The following ZNF428 variants were observed in gnomAD, a reference collection of about 807,000 sequenced individuals.
ZNF428 encodes enzyme-like protein PIT13.
In ZNF428, 5 loss-of-function variants were observed where a neutral mutation model predicts 15.6. The ratio of observed to expected loss-of-function variants is 0.32; its 90% confidence interval spans 0.17 to 0.67. The LOEUF (loss-of-function observed/expected upper bound fraction) is 0.67, where lower values mean the gene tolerates loss of function less well. ZNF428 is among the 30% of genes least tolerant of loss of function. ZNF428 has a pLI of 0.73. For synonymous variants in ZNF428, 97 were observed against 102.2 expected (o/e 0.95, Z 0.31); for missense variants, 237 against 256.0 (o/e 0.93, Z 0.51).
At chr19:43,611,346 G>A (rs1333431617) in intron 2 of ZNF428, among the ~76,000 whole-genome samples, 1 of 151,010 alleles carries the variant, frequency 6.6e-6, no homozygotes, top group East Asian at 1.9e-4. Flanking sequence ...TTTCGAGAGA[G>A]AGTCTCGCTG....
At chr19:43,613,257 G>A in intron 2 of ZNF428, 1 of 1,551,554 alleles carries the variant, frequency 6.4e-7, no homozygotes, top group Non-Finnish European at 8.7e-7. Flanking sequence ...GATCACAGGG[G>A]ATCTAGCAGC....
At position 43,612,338 on chromosome 19, in the gene ZNF428, GC is replaced by G. The variant is rs1568534515; in HGVS notation, c.76+1890del. On this transcript the variant is annotated intron_variant, in intron 2 of 2. Coordinates refer to ENST00000300811, the MANE Select transcript of ZNF428 (RefSeq NM_182498.4). The surrounding 1 kb of genome is among the most constrained non-coding windows in gnomAD (Gnocchi z 4.2). The stretch of plus-strand genomic sequence containing the variant: ...CACCAAATCGACCAGTACAAAAAGA[GC>G]CCCTTCTAACCGGCCCAGCAGCAGG... The G allele has an allele frequency of 6.4e-7, 1 of 1,551,646 alleles. No individual in the cohort carries two copies. Among genetic ancestry groups the G allele is most frequent in the Admixed American group, 2.0e-5 (1 of 50,984 alleles).
chr19:43,611,325 A>ATT (rs768244487), intron 2 of ZNF428, among the ~76,000 whole-genome samples: 61 of 140,382 alleles, frequency 4.3e-4, no homozygotes, highest in Middle Eastern at 3.7e-3. Flanking sequence ...TGACCCGTTC[A>ATT]TTTTTTTTTT....
Position 43,612,605 on chromosome 19 carries a change from A to G in ZNF428, c.76+1624T>C. ...CATGGCCAGCAGGGTGAGAACTCCC[A>G]CTTCACAGCAAAAAGGGAGCCGGGG... is the stretch of plus-strand genomic sequence containing the variant. On this transcript the variant is annotated intron_variant, in intron 2 of 2. Transcript: ENST00000300811. This position sits in a 1 kb window ranked among gnomAD's most constrained non-coding sequence, Gnocchi z 4.2. The G allele has an allele frequency of 6.4e-7, 1 of 1,551,600 alleles. No individual in the cohort carries two copies. The highest frequency in any genetic ancestry group is 2.0e-5 in the Admixed American group (1 of 51,004).
intron 1 of ZNF428, 80 bp from the exon 2 acceptor site, chr19:43,614,514 T>G: frequency 7.5e-7 from 1 of 1,337,552 alleles, no homozygotes; most frequent in Non-Finnish European, 9.8e-7. Context: ...CCCAACTGTG[T>G]GCTCACTGCT....
rs753578927 is a variant in ZNF428, at chr19:43,607,838, G to C, written c.346C>G (p.Pro116Ala). 5.8e-6 allele frequency: 9 copies of C among 1,560,212 alleles called. No individual in the cohort carries two copies. In the African/African-American group the frequency reaches 1.1e-4, roughly 19 times the overall value. The change falls in exon 3 of 3, where the codon CCT becomes GCT. Residue 116 changes from proline to alanine, a missense_variant. Coordinates refer to ENST00000300811, the MANE Select transcript of ZNF428 (RefSeq NM_182498.4). This position sits in a 1 kb window ranked among gnomAD's most constrained non-coding sequence, Gnocchi z 5.1. ...PGTPPCRLCC[P>A]ATAPQEAPAP... is the part of the protein sequence containing the mutation. ...GGTGCTTCCTGGGGGGCTGTAGCAG[G>C]GCAGCAGAGCCGGCAGGGTGGGGTT...
rs184306433 is a variant in ZNF428 at position 43,614,363 on chromosome 19, G to A, written c.-59C>T. The A allele has an allele frequency of 1.5e-5, 23 of 1,536,700 alleles. No individual in the cohort carries two copies. The highest frequency in any genetic ancestry group is 6.9e-5 in the African/African-American group (5 of 72,624). On this transcript the variant is annotated 5_prime_UTR_variant, in exon 2 of 3. Coordinates refer to ENST00000300811, the MANE Select transcript of ZNF428 (RefSeq NM_182498.4). Reference sequence around the variant, plus strand: ...CAGCAGCTGAGCAGCGTCCCTCCCCGGCCAGCTCTCCACAGCCACACCTCC... The same window carrying A: ...CAGCAGCTGAGCAGCGTCCCTCCCCAGCCAGCTCTCCACAGCCACACCTCC...
At chr19:43,608,221 C>G (rs1379502944) in intron 2 of ZNF428, 114 bp from the exon 3 acceptor site, 1 of 1,389,010 alleles carries the variant, frequency 7.2e-7, no homozygotes, top group East Asian at 2.3e-5. Flanking sequence ...CAAGGATAGC[C>G]TAGACACTAC....
At position 43,612,763 on chromosome 19, in the gene ZNF428, C is replaced by T; in HGVS notation, c.76+1466G>A. On this transcript the variant is annotated intron_variant, in intron 2 of 2. Transcript: ENST00000300811. This position sits in a 1 kb window ranked among gnomAD's most constrained non-coding sequence, Gnocchi z 4.2. ...GGAGTTCCGAGCTGGCTGTAACTCC[C>T]AGTACAGCCAAGTGTCAAACCCCGA... 1 of 1,551,642 alleles carries T rather than the reference C, an allele frequency of 6.4e-7. No individual in the cohort carries two copies.
intron 2 of ZNF428, chr19:43,613,437 G>C: frequency 1.3e-6 from 2 of 1,544,048 alleles, no homozygotes; most frequent in Non-Finnish European, 1.7e-6. Flanking sequence ...GATTGCAGCC[G>C]ATCTAGAAGT....
chr19:43,607,374 C>CACACAT lies in ZNF428; in HGVS notation c.*242_*243insATGTGT. On this transcript the variant is annotated 3_prime_UTR_variant, in exon 3 of 3. Transcript: ENST00000300811. This position sits in a 1 kb window ranked among gnomAD's most constrained non-coding sequence, Gnocchi z 5.1. The stretch of plus-strand genomic sequence containing the variant: ...CCCAAGAAGGAGCCCAGGGGGAATA[C>CACACAT]ACACACACACACACACACACAAACA... 1 of 157,314 alleles carries CACACAT rather than the reference C, an allele frequency of 6.4e-6. No homozygotes were observed. Among genetic ancestry groups the CACACAT allele is most frequent in the South Asian group, 1.9e-4 (1 of 5,310 alleles). 9.7% of individuals were successfully genotyped at this position (157,314 alleles called of 1,614,324 possible).
intron 2 of ZNF428, chr19:43,613,121 A>G (rs767980446): frequency 1.3e-6 from 2 of 1,551,724 alleles, no homozygotes; most frequent in South Asian, 2.4e-5. Flanking sequence ...CCAGTCTAGA[A>G]GCCACAGCAA....
In ZNF428 at chr19:43,612,468, G is replaced by A. The variant is rs1429463813; in HGVS notation, c.76+1761C>T. Reference sequence around the variant, plus strand: ...GACGTGAGATGCCACCAGCGGAGGGGCACACACAGCCGGGGTAGGACACCT... The same window carrying A: ...GACGTGAGATGCCACCAGCGGAGGGACACACACAGCCGGGGTAGGACACCT... On this transcript the variant is annotated intron_variant, in intron 2 of 2. Transcript: ENST00000300811. The surrounding 1 kb of genome is among the most constrained non-coding windows in gnomAD (Gnocchi z 4.2). 2 of 1,545,774 alleles carry A rather than the reference G, an allele frequency of 1.3e-6. No homozygotes were observed. Among genetic ancestry groups the A allele is most frequent in the East Asian group, 4.9e-5 (2 of 40,924 alleles).
At chr19:43,609,683 G>A (rs1191934642) in intron 2 of ZNF428, among the ~76,000 whole-genome samples, 1 of 151,048 alleles carries the variant, frequency 6.6e-6, no homozygotes, top group Non-Finnish European at 1.5e-5. Context: ...CGGAGGTTGC[G>A]ATGAGCCAAT....
chr19:43,618,025 CTTTTTTTTTTTTT>C (rs35170127), intron 1 of ZNF428, among the ~76,000 whole-genome samples: 5 of 55,328 alleles, frequency 9.0e-5, no homozygotes, highest in African/African-American at 2.8e-4. Context: ...CCATGCCCGG[CTTTTTTTTTTTTT>C]TTTTTTTTTT....
At position 43,607,733 on chromosome 19, in the gene ZNF428, C is replaced by T. The variant is rs1568533182; in HGVS notation, c.451G>A (p.Glu151Lys). 1 of 1,613,548 alleles carries T rather than the reference C, an allele frequency of 6.2e-7. No individual in the cohort carries two copies. ...AGEGRPAGRE[E>K]EEEEEEEGTY... is the part of the protein sequence containing the mutation. ...CCCTCCTCCTCCTCTTCCTCCTCCT[C>T]CTCCCGCCCAGCTGGTCGGCCCTCC... The change falls in exon 3 of 3, where the codon GAG becomes AAG. Residue 151 changes from glutamate to lysine, a missense_variant. Physicochemically the swap from Glu to Lys is moderately conservative, Grantham distance 56. Transcript: ENST00000300811. This position sits in a 1 kb window ranked among gnomAD's most constrained non-coding sequence, Gnocchi z 5.1.
At chr19:43,610,211 T>A (rs906880848) in intron 2 of ZNF428, among the ~76,000 whole-genome samples, 1 of 151,934 alleles carries the variant, frequency 6.6e-6, no homozygotes, top group South Asian at 2.1e-4. Flanking sequence ...TTTCTCCATC[T>A]TCTTTTGAGA....
At chr19:43,617,580 G>A (rs1484320051) in intron 1 of ZNF428, among the ~76,000 whole-genome samples, 3 of 152,194 alleles carry the variant, frequency 2.0e-5, no homozygotes, top group Non-Finnish European at 2.9e-5. Flanking sequence ...ATTGGCAGAG[G>A]AGAATTCTAA....
intron 2 of ZNF428, among the ~76,000 whole-genome samples, chr19:43,609,360 G>GAGAGAGAGAGAGAGAGAGAGAA (rs1555775017): frequency 9.7e-5 from 12 of 123,346 alleles, no homozygotes; most frequent in South Asian, 2.3e-4. Context: ...TGTGGCCATG[G>GAGAGAGAGAGAGAGAGAGAGAA]AGAGAGAGAG....
Sources: gnomAD v4.1 joint callset for allele counts (sites outside exome capture counted in the v4.1 genomes callset) on GRCh38, gnomAD v4.1.1 for gene constraint, Gnocchi (gnomAD v3.1) non-coding constraint, MANE v1.5 for transcripts, NCBI Gene and HGNC (gene_info 2026-07-23, HGNC 2026-07-21) for gene names.